GRIA4: variants seen among roughly 807,000 people sequenced by gnomAD.
GRIA4 encodes the protein glutamate ionotropic receptor AMPA type subunit 4, also known as glutamate receptor 4.
In GRIA4, 34 loss-of-function variants were observed where a neutral mutation model predicts 104.0. The ratio of observed to expected loss-of-function variants is 0.33; its 90% confidence interval spans 0.25 to 0.44. The LOEUF (loss-of-function observed/expected upper bound fraction) is 0.44. Among genes scored for constraint, GRIA4 ranks in the 20% least tolerant of loss-of-function variants. The pLI is 1.00. For missense variants in GRIA4, 750 were observed against 1,096.5 expected, an observed-to-expected ratio of 0.68 and a Z score of 4.46; for synonymous variants, 386 against 381.9, an observed-to-expected ratio of 1.01 and a Z score of -0.13.
chr11:105,823,792 A>T (rs1323092221), intron 4 of GRIA4, among the ~76,000 whole-genome samples: 1 of 152,028 alleles, frequency 6.6e-6, no homozygotes, highest in Non-Finnish European at 1.5e-5. Context: ...TCATGGGCTG[A>T]ATTGTATCCC....
intron 4 of GRIA4, among the ~76,000 whole-genome samples, chr11:105,817,625 T>G (rs1943429515): frequency 6.6e-6 from 1 of 152,110 alleles, no homozygotes; most frequent in African/African-American, 2.4e-5. Flanking sequence ...AATGATAGGA[T>G]AAATTCCATT....
chr11:105,943,676 A>G (rs961032426), intron 14 of GRIA4, among the ~76,000 whole-genome samples: 11 of 152,148 alleles, frequency 7.2e-5, no homozygotes, highest in African/African-American at 2.7e-4. Flanking sequence ...TCCAGGCAGT[A>G]TACCTATAGT....
At chr11:105,894,860 C>G (rs980871017) in intron 6 of GRIA4, among the ~76,000 whole-genome samples, 1 of 100,540 alleles carries the variant, frequency 9.9e-6, no homozygotes. Context: ...ACTGCAGTGG[C>G]GCAATCTCGG....
chr11:105,800,282 A>ATGGG (rs1942666417), intron 4 of GRIA4, among the ~76,000 whole-genome samples: 1 of 152,028 alleles, frequency 6.6e-6, no homozygotes, highest in Non-Finnish European at 1.5e-5. Flanking sequence ...AAATCAAGAG[A>ATGGG]AATGACAAAG....
At chr11:105,797,976 G>A in intron 4 of GRIA4, 1 of 355,528 alleles carries the variant, frequency 2.8e-6, no homozygotes, top group Non-Finnish European at 5.7e-6. Flanking sequence ...CATTTATTGA[G>A]CAAATATTTA....
chr11:105,855,271 T>C (rs999409062), intron 4 of GRIA4, among the ~76,000 whole-genome samples: 1 of 152,160 alleles, frequency 6.6e-6, no homozygotes, highest in Non-Finnish European at 1.5e-5. Flanking sequence ...TATCGCAATA[T>C]TGAATAGGTT....
chr11:105,936,291 T>C (rs1250569927), intron 14 of GRIA4, among the ~76,000 whole-genome samples: 2 of 152,220 alleles, frequency 1.3e-5, no homozygotes, highest in Non-Finnish European at 2.9e-5. Flanking sequence ...TTCAAAATAA[T>C]TGTATTCATC....
intron 4 of GRIA4, among the ~76,000 whole-genome samples, chr11:105,797,017 G>A (rs1413767842): frequency 6.6e-6 from 1 of 151,880 alleles, no homozygotes; most frequent in Non-Finnish European, 1.5e-5. Flanking sequence ...GATGGCTTGA[G>A]CTCATGGGCA....
At chr11:105,917,141 TC>T (rs1321031302) in intron 10 of GRIA4, among the ~76,000 whole-genome samples, 1 of 152,228 alleles carries the variant, frequency 6.6e-6, no homozygotes, top group Non-Finnish European at 1.5e-5. Flanking sequence ...TGCATAATTT[TC>T]ATCTATCTAA....
At chr11:105,691,935 C>CAAAAAAA (rs202074069) in intron 3 of GRIA4, among the ~76,000 whole-genome samples, 1 of 76,298 alleles carries the variant, frequency 1.3e-5, no homozygotes, top group Non-Finnish European at 2.5e-5. Context: ...AACTCCGTCT[C>CAAAAAAA]AAAAAAAAAA....
chr11:105,808,396 G>C (rs913065150), intron 4 of GRIA4, among the ~76,000 whole-genome samples: 2 of 152,072 alleles, frequency 1.3e-5, no homozygotes, highest in African/African-American at 4.8e-5. Flanking sequence ...AGAGAGAAGA[G>C]AGAGAAAAGG....
At chr11:105,628,791 G>A (rs1950955766) in intron 3 of GRIA4, among the ~76,000 whole-genome samples, 1 of 152,144 alleles carries the variant, frequency 6.6e-6, no homozygotes, top group Non-Finnish European at 1.5e-5. Flanking sequence ...CAAAGTCACT[G>A]TGAAAATAAT....
At chr11:105,804,446 C>T (rs532535775) in intron 4 of GRIA4, among the ~76,000 whole-genome samples, 2 of 151,700 alleles carry the variant, frequency 1.3e-5, no homozygotes, top group African/African-American at 4.8e-5. Context: ...AGGAAAAAAG[C>T]AGAATCCCCC....
intron 3 of GRIA4, among the ~76,000 whole-genome samples, chr11:105,655,693 T>C (rs2135396437): frequency 1.3e-5 from 2 of 152,280 alleles, no homozygotes; most frequent in African/African-American, 2.4e-5. Context: ...TAGTATTCCA[T>C]GGTGTATATG....
At chr11:105,843,189 T>A (rs774042761) in intron 4 of GRIA4, among the ~76,000 whole-genome samples, 1 of 152,208 alleles carries the variant, frequency 6.6e-6, no homozygotes, top group Non-Finnish European at 1.5e-5. Flanking sequence ...TCCTTTGTGT[T>A]CACATCAGGA....
Position 105,798,336 on chromosome 11 carries a change from A to G in GRIA4, c.487+45116A>G, listed in dbSNP as rs111786157. Among the ~76,000 whole-genome samples the G allele has an allele frequency of 7.2e-4, 109 of 152,268 alleles. 1 individual carries two copies. The highest frequency in any genetic ancestry group is 2.5e-3 in the African/African-American group (106 of 41,574). On this transcript the variant is annotated intron_variant, in intron 4 of 16. Transcript: ENST00000282499. Reference sequence around the variant, plus strand: ...GAGTTATTCCTGAGGACTTCTGTGGAAGAGATTGTTGGGCAGGAGGAACAC... The same window carrying G: ...GAGTTATTCCTGAGGACTTCTGTGGGAGAGATTGTTGGGCAGGAGGAACAC...
chr11:105,951,644 C>T (rs1948459255), intron 14 of GRIA4, among the ~76,000 whole-genome samples: 1 of 152,032 alleles, frequency 6.6e-6, no homozygotes, highest in Non-Finnish European at 1.5e-5. Flanking sequence ...CATCTTTTCA[C>T]ATTTTTTTTT....
At chr11:105,920,577 T>G (rs1309801929) in intron 11 of GRIA4, among the ~76,000 whole-genome samples, 1 of 152,082 alleles carries the variant, frequency 6.6e-6, no homozygotes, top group Non-Finnish European at 1.5e-5. Flanking sequence ...TTTGCAAGTG[T>G]TCTGACCACA....
intron 4 of GRIA4, among the ~76,000 whole-genome samples, chr11:105,802,846 G>T (rs555137501): frequency 6.6e-6 from 1 of 150,970 alleles, no homozygotes; most frequent in East Asian, 2.0e-4. Context: ...TTTACATTAG[G>T]TTTATTTCAC....
Sources: gnomAD v4.1 joint callset for allele counts (sites outside exome capture counted in the v4.1 genomes callset) on GRCh38, gnomAD v4.1.1 for gene constraint, MANE v1.5 for transcripts, NCBI Gene and HGNC (gene_info 2026-07-23, HGNC 2026-07-21) for gene names.